CCL28: variants seen among roughly 807,000 people sequenced by gnomAD.
CCL28 encodes the protein C-C motif chemokine ligand 28.
A neutral mutation model predicts 7.1 loss-of-function variants in CCL28; 4 were observed. The observed-to-expected ratio is 0.56, with a 90% CI of 0.28 to 1.29. The LOEUF (loss-of-function observed/expected upper bound fraction) is 1.29. CCL28 is among the 50% of genes most tolerant of loss of function. The pLI, the probability that CCL28 is intolerant of heterozygous loss-of-function variation, is 0.11. For synonymous variants in CCL28, 55 were observed against 57.8 expected, an observed-to-expected ratio of 0.95 and a Z score of 0.22; for missense variants, 151 against 163.4, an observed-to-expected ratio of 0.92 and a Z score of 0.41.
intron 1 of CCL28, among the ~76,000 whole-genome samples, chr5:43,395,437 G>A (rs1740758062): frequency 6.6e-6 from 1 of 152,080 alleles, no homozygotes; most frequent in Admixed American, 6.6e-5. Context: ...AGTACTTTGG[G>A]AGACTGAGGT....
At chr5:43,396,061 G>A (rs1740789337) in intron 1 of CCL28, among the ~76,000 whole-genome samples, 1 of 151,778 alleles carries the variant, frequency 6.6e-6, no homozygotes, top group African/African-American at 2.4e-5. Context: ...TAGTAGAGAC[G>A]GGGTTTCACC....
At chr5:43,377,717 C>A (rs867534684), downstream of CCL28, among the ~76,000 whole-genome samples, 1 of 42,712 alleles carries the variant, frequency 2.3e-5, no homozygotes, top group African/African-American at 1.2e-4. Flanking sequence ...AGAACTTAAA[C>A]TTTTTTTTTT....
the CCL28 span, among the ~76,000 whole-genome samples, chr5:43,368,124 C>G: frequency 1.3e-5 from 2 of 152,158 alleles, no homozygotes; most frequent in African/African-American, 4.8e-5. Flanking sequence ...CTCTCTGAAC[C>G]TTGATTCTTC....
Position 43,412,385 on chromosome 5 carries a change from G to T in CCL28, c.-69C>A. 7.0e-7 allele frequency: 1 copy of T among 1,429,960 alleles called. No homozygotes were observed. Among genetic ancestry groups the T allele is most frequent in the Non-Finnish European group, 9.7e-7 (1 of 1,029,498 alleles). The allele number at this position is 1,429,960 out of a possible 1,614,324, so 88.6% of individuals were successfully genotyped here. A position where few individuals can be genotyped will look rare whatever the true frequency, so the allele number is the denominator to read the frequency against. ...GTTCGATCAGGAAATGAGGCTAAAG[G>T]TGTCCTTGGGCACAGAGAAAGTGCA... On this transcript the variant is annotated 5_prime_UTR_variant, in exon 1 of 3. Coordinates refer to ENST00000361115, the MANE Select transcript of CCL28 (RefSeq NM_148672.3).
At chr5:43,394,227 A>T (rs1453848432) in intron 1 of CCL28, among the ~76,000 whole-genome samples, 1 of 152,192 alleles carries the variant, frequency 6.6e-6, no homozygotes, top group Non-Finnish European at 1.5e-5. Context: ...TTCAACTAAG[A>T]CACTTTTTAA....
the CCL28 span, among the ~76,000 whole-genome samples, chr5:43,365,986 T>C: frequency 3.3e-5 from 5 of 152,214 alleles, no homozygotes; most frequent in Non-Finnish European, 7.3e-5. Context: ...TTTCATGAAG[T>C]TCTTGTGCTG....
the CCL28 span, among the ~76,000 whole-genome samples, chr5:43,360,155 C>T: frequency 0.012 from 1,824 of 152,150 alleles, 36 homozygotes; most frequent in East Asian, 0.082. Flanking sequence ...ATTACACTAC[C>T]GGGTAATCCT....
chr5:43,377,376 C>T (rs1739919112), downstream of CCL28: 1 of 151,488 alleles, frequency 6.6e-6, no homozygotes, highest in Non-Finnish European at 1.5e-5. Context: ...CCTGTAATCC[C>T]AGCTACTTGG....
At chr5:43,362,922 T>C in the CCL28 span, among the ~76,000 whole-genome samples, 2 of 151,980 alleles carry the variant, frequency 1.3e-5, no homozygotes, top group Non-Finnish European at 2.9e-5. Context: ...AACCTTGCAG[T>C]TGTCACCCGT....
At chr5:43,357,032 C>T in the CCL28 span, among the ~76,000 whole-genome samples, 5 of 152,260 alleles carry the variant, frequency 3.3e-5, no homozygotes, top group African/African-American at 1.2e-4. Flanking sequence ...GTCAGCTGAT[C>T]CAGAGTGGGT....
At chr5:43,364,969 G>A in the CCL28 span, among the ~76,000 whole-genome samples, 4 of 148,044 alleles carry the variant, frequency 2.7e-5, no homozygotes, top group East Asian at 2.0e-4. Context: ...TGTGAGATGC[G>A]TCTCCTGCAT....
At chr5:43,358,969 C>A in the CCL28 span, among the ~76,000 whole-genome samples, 1 of 152,276 alleles carries the variant, frequency 6.6e-6, no homozygotes, top group Middle Eastern at 3.4e-3. Context: ...ATTTAGTTTA[C>A]AGTTTAGTTA....
At chr5:43,375,762 C>T (rs934532412), downstream of CCL28, among the ~76,000 whole-genome samples, 6 of 151,832 alleles carry the variant, frequency 4.0e-5, no homozygotes, top group Non-Finnish European at 8.8e-5. Flanking sequence ...GAGGCTGAGG[C>T]GGGCGGACCC....
chr5:43,398,743 CAGG>C (rs1346691467), intron 1 of CCL28, among the ~76,000 whole-genome samples: 1 of 152,024 alleles, frequency 6.6e-6, no homozygotes, highest in East Asian at 1.9e-4. Context: ...TCCAGTTACT[CAGG>C]AGGCTGAGAC....
At chr5:43,407,836 G>C (rs1043705691) in intron 1 of CCL28, among the ~76,000 whole-genome samples, 1 of 47,706 alleles carries the variant, frequency 2.1e-5, no homozygotes, top group Non-Finnish European at 4.3e-5. Context: ...TGAAGGATAT[G>C]AACAGACATT....
intron 1 of CCL28, among the ~76,000 whole-genome samples, chr5:43,400,039 GTGTTGTA>G (rs1740969310): frequency 6.6e-6 from 1 of 151,824 alleles, no homozygotes; most frequent in Non-Finnish European, 1.5e-5. Context: ...CAGAAACAGG[GTGTTGTA>G]TGTTACCCAG....
the CCL28 span, among the ~76,000 whole-genome samples, chr5:43,360,871 G>T: frequency 6.6e-6 from 1 of 151,998 alleles, no homozygotes; most frequent in African/African-American, 2.4e-5. Context: ...GGATGTGCAG[G>T]TTTGTTACAT....
intron 1 of CCL28, among the ~76,000 whole-genome samples, chr5:43,408,027 T>C (rs1741365552): frequency 6.6e-6 from 1 of 152,180 alleles, no homozygotes; most frequent in South Asian, 2.1e-4. Flanking sequence ...TAGGAACACT[T>C]TTACACTGTT....
intron 1 of CCL28, among the ~76,000 whole-genome samples, chr5:43,406,724 G>T (rs1478929897): frequency 6.6e-6 from 1 of 152,190 alleles, no homozygotes; most frequent in Admixed American, 6.5e-5. Context: ...CAGACGACAT[G>T]ATTGTATATT....
Sources: allele counts gnomAD v4.1 joint callset (sites outside exome capture counted in the v4.1 genomes callset), GRCh38; gene constraint gnomAD v4.1.1; transcripts MANE v1.5; gene names NCBI Gene and HGNC (gene_info 2026-07-23, HGNC 2026-07-21).